Variants in MIB1 observed in about 807,000 individuals in gnomAD.
MIB1 encodes E3 ubiquitin-protein ligase MIB1.
In MIB1, 278 loss-of-function variants were observed where a neutral mutation model predicts 124.5. The ratio of observed to expected loss-of-function variants is 2.23; its 90% CI spans 2.02 to 2.47. The LOEUF is 2.47. Among genes scored for constraint, MIB1 ranks in the 30% most tolerant of loss-of-function variants. The pLI is 0.00. For missense variants in MIB1, 957 were observed against 1,254.4 expected, an observed-to-expected ratio of 0.76 and a Z score of 3.58; for synonymous variants, 446 against 429.4, an observed-to-expected ratio of 1.04 and a Z score of -0.48.
chr18:21,791,635 A>AT, intron 7 of MIB1, 78 bp downstream of exon 7: 2 of 1,208,276 alleles, frequency 1.7e-6, no homozygotes, highest in Non-Finnish European at 2.3e-6. Context: ...TAATGTAGAA[A>AT]TTAAATTGGC....
intron 18 of MIB1, among the ~76,000 whole-genome samples, chr18:21,855,650 A>C (rs1009039912): frequency 3.3e-5 from 5 of 152,156 alleles, no homozygotes; most frequent in African/African-American, 1.2e-4. Flanking sequence ...TTGGTAACTG[A>C]CTGTTCTCCA....
At chr18:21,724,728 ATATATAT>A (rs1460823802) in intron 1 of MIB1, among the ~76,000 whole-genome samples, 155 of 18,834 alleles carry the variant, frequency 8.2e-3, no homozygotes, top group Middle Eastern at 0.036. Flanking sequence ...AAAAAAAAAA[ATATATAT>A]ATATATATAT....
intron 6 of MIB1, among the ~76,000 whole-genome samples, chr18:21,784,067 T>TG (rs1406033074): frequency 6.6e-6 from 1 of 150,638 alleles, no homozygotes; most frequent in Non-Finnish European, 1.5e-5. Flanking sequence ...TTTTTTTTTT[T>TG]GATACGGAGT....
At chr18:21,810,890 A>G (rs903929071) in intron 10 of MIB1, among the ~76,000 whole-genome samples, 1 of 152,122 alleles carries the variant, frequency 6.6e-6, no homozygotes, top group Admixed American at 6.5e-5. Flanking sequence ...ATTAGACTTC[A>G]TGAAAATTAA....
intron 7 of MIB1, among the ~76,000 whole-genome samples, chr18:21,794,544 T>C (rs1197796816): frequency 6.6e-6 from 1 of 151,948 alleles, no homozygotes; most frequent in Non-Finnish European, 1.5e-5. Context: ...AAATTTGTAA[T>C]TTTAGAAAAA....
At chr18:21,844,873 C>T (rs1169718222) in intron 15 of MIB1, among the ~76,000 whole-genome samples, 1 of 152,150 alleles carries the variant, frequency 6.6e-6, no homozygotes, top group Non-Finnish European at 1.5e-5. Flanking sequence ...AGTGTCTGCT[C>T]AAATCTTTTG....
chr18:21,726,407 A>G (rs1206625734), intron 1 of MIB1, among the ~76,000 whole-genome samples: 1 of 152,138 alleles, frequency 6.6e-6, no homozygotes, highest in Admixed American at 6.6e-5. Flanking sequence ...AAAATGGTTA[A>G]TGAGAGAAAT....
At chr18:21,734,745 C>A (rs1241633591) in intron 1 of MIB1, among the ~76,000 whole-genome samples, 2 of 151,976 alleles carry the variant, frequency 1.3e-5, no homozygotes, top group African/African-American at 4.8e-5. Context: ...ACCAGGCTGG[C>A]CTCGAACTCC....
chr18:21,824,109 ATATAAT>A (rs1210609434), intron 12 of MIB1, among the ~76,000 whole-genome samples: 16 of 152,300 alleles, frequency 1.1e-4, no homozygotes, highest in African/African-American at 3.4e-4. Context: ...GGTAACAATA[ATATAAT>A]TATAAAGTTT....
intron 1 of MIB1, among the ~76,000 whole-genome samples, chr18:21,722,712 T>G (rs2040721139): frequency 6.6e-6 from 1 of 152,130 alleles, no homozygotes; most frequent in South Asian, 2.1e-4. Flanking sequence ...AGAAAACTGG[T>G]CAGGTATCCT....
At chr18:21,734,172 TTTTGG>T (rs2040784606) in intron 1 of MIB1, among the ~76,000 whole-genome samples, 1 of 151,030 alleles carries the variant, frequency 6.6e-6, no homozygotes, top group African/African-American at 2.4e-5. Context: ...AGTGGCACGA[TTTTGG>T]CTTATTGCAA....
At chr18:21,722,890 T>G (rs140972200) in intron 1 of MIB1, among the ~76,000 whole-genome samples, 63 of 152,330 alleles carry the variant, frequency 4.1e-4, no homozygotes, top group African/African-American at 1.4e-3. Context: ...CTTCCTCTCT[T>G]GGCTAAAGCA....
chr18:21,815,881 C>T, intron 11 of MIB1, 68 bp downstream of exon 11: 1 of 1,351,142 alleles, frequency 7.4e-7, no homozygotes, highest in Non-Finnish European at 1.0e-6. Flanking sequence ...ACATTAAGTT[C>T]TATGGTAAGC....
At chr18:21,779,363 CT>C in intron 5 of MIB1, 117 bp from the exon 6 acceptor site, 1 of 779,536 alleles carries the variant, frequency 1.3e-6, no homozygotes, top group Non-Finnish European at 2.1e-6. Flanking sequence ...TTCTCAAGAC[CT>C]TTTAAAACTA....
At chr18:21,706,119 T>G (rs1428316168) in intron 1 of MIB1, among the ~76,000 whole-genome samples, 1 of 152,224 alleles carries the variant, frequency 6.6e-6, no homozygotes, top group Non-Finnish European at 1.5e-5. Flanking sequence ...TTTGCTCTTG[T>G]TGCCCAGGCT....
intron 20 of MIB1, among the ~76,000 whole-genome samples, chr18:21,861,153 T>A (rs2042273158): frequency 6.6e-6 from 1 of 152,184 alleles, no homozygotes; most frequent in African/African-American, 2.4e-5. Flanking sequence ...ATCCAGCATC[T>A]AGCAATACTT....
intron 20 of MIB1, among the ~76,000 whole-genome samples, chr18:21,863,702 ATTAT>A (rs2042296312): frequency 6.6e-6 from 1 of 152,024 alleles, no homozygotes; most frequent in Non-Finnish European, 1.5e-5. Flanking sequence ...GTAAAAAGAC[ATTAT>A]TTAGAAAGAA....
chr18:21,856,284 A>G (rs892431489), intron 18 of MIB1, among the ~76,000 whole-genome samples: 11 of 152,164 alleles, frequency 7.2e-5, no homozygotes, highest in African/African-American at 2.6e-4. Flanking sequence ...AAAAAAAACA[A>G]TCATAACAAC....
At chr18:21,848,669 A>G (rs990050206) in intron 16 of MIB1, among the ~76,000 whole-genome samples, 6 of 152,228 alleles carry the variant, frequency 3.9e-5, no homozygotes, top group African/African-American at 7.2e-5. Context: ...GATGCAGTCT[A>G]TCTTTCTGTA....
Sources: gnomAD v4.1 joint callset for allele counts (sites outside exome capture counted in the v4.1 genomes callset) on GRCh38, gnomAD v4.1.1 for gene constraint, MANE v1.5 for transcripts, NCBI Gene and HGNC (gene_info 2026-07-23, HGNC 2026-07-21) for gene names.